The following GDAP1 variants were observed in gnomAD, a reference collection of about 807,000 sequenced individuals.
The protein encoded by GDAP1 is ganglioside induced differentiation associated protein 1, also known as ganglioside-induced differentiation-associated protein 1.
Under a neutral mutation model 40.1 loss-of-function variants are expected in GDAP1, and 34 were observed. That is an observed-to-expected ratio of 0.85 (90% CI 0.64 to 1.13). The LOEUF is 1.13. Among genes scored for constraint, GDAP1 ranks in the 50% most tolerant of loss-of-function variants. GDAP1 has a pLI of 0.00. For missense variants in GDAP1, 374 were observed against 433.7 expected, an observed-to-expected ratio of 0.86 and a Z score of 1.22; for synonymous variants, 170 against 157.4, an observed-to-expected ratio of 1.08 and a Z score of -0.60.
At chr8:74,352,356 C>T (rs1356523551) in intron 2 of GDAP1, among the ~76,000 whole-genome samples, 1 of 152,180 alleles carries the variant, frequency 6.6e-6, no homozygotes, top group Non-Finnish European at 1.5e-5. Flanking sequence ...GAATGCTCTT[C>T]TAAAAAGGCT....
chr8:74,425,770 C>G (rs373790893), intron 2 of GDAP1, among the ~76,000 whole-genome samples: 8 of 152,294 alleles, frequency 5.3e-5, no homozygotes, highest in African/African-American at 1.9e-4. Flanking sequence ...CTAACAATTC[C>G]TATCTCTAGG....
intron 2 of GDAP1, among the ~76,000 whole-genome samples, chr8:74,422,620 G>A (rs1378770736): frequency 1.3e-5 from 2 of 151,032 alleles, no homozygotes; most frequent in East Asian, 3.9e-4. Flanking sequence ...CCGTTTTGAT[G>A]AAGCACTTTC....
intron 2 of GDAP1, among the ~76,000 whole-genome samples, chr8:74,447,078 A>G (rs1212398883): frequency 6.6e-6 from 1 of 152,138 alleles, no homozygotes; most frequent in Non-Finnish European, 1.5e-5. Flanking sequence ...ACCTTCCTAA[A>G]TAAAAGATTA....
intron 2 of GDAP1, among the ~76,000 whole-genome samples, chr8:74,399,021 G>A (rs1226646162): frequency 6.6e-6 from 1 of 151,816 alleles, no homozygotes; most frequent in Non-Finnish European, 1.5e-5. Flanking sequence ...TTTTTTGGTT[G>A]TGTCTCTGCC....
intron 2 of GDAP1, among the ~76,000 whole-genome samples, chr8:74,474,691 T>G (rs968097405): frequency 3.9e-5 from 6 of 152,318 alleles, no homozygotes; most frequent in South Asian, 2.1e-4. Context: ...TGAATTCAGT[T>G]TGCTAGTATT....
chr8:74,459,645 T>C (rs1806377312), intron 2 of GDAP1, among the ~76,000 whole-genome samples: 1 of 152,196 alleles, frequency 6.6e-6, no homozygotes, highest in Admixed American at 6.5e-5. Context: ...TGAATATTTA[T>C]TGAGTGAGAA....
At chr8:74,401,170 C>T (rs1248856322) in intron 2 of GDAP1, among the ~76,000 whole-genome samples, 1 of 148,930 alleles carries the variant, frequency 6.7e-6, no homozygotes, top group Non-Finnish European at 1.5e-5. Context: ...TTCCATTCTC[C>T]CCGTCACTTT....
At chr8:74,407,476 T>C (rs1805655858) in intron 2 of GDAP1, among the ~76,000 whole-genome samples, 1 of 149,736 alleles carries the variant, frequency 6.7e-6, no homozygotes, top group African/African-American at 2.6e-5. Context: ...TTGCTGAGTC[T>C]TCTGGCCTCC....
intron 2 of GDAP1, among the ~76,000 whole-genome samples, chr8:74,407,961 T>G (rs1167312547): frequency 1.3e-5 from 2 of 150,058 alleles, no homozygotes; most frequent in African/African-American, 5.1e-5. Context: ...AACACCAAAT[T>G]GCAAGTCTAA....
intron 2 of GDAP1, among the ~76,000 whole-genome samples, chr8:74,469,648 T>G (rs532414772): frequency 4.5e-4 from 58 of 127,932 alleles, no homozygotes; most frequent in African/African-American, 1.0e-3. Flanking sequence ...CAGCCTGGGC[T>G]ACAGAGTGAG....
chr8:74,456,507 G>C (rs1806337820), intron 2 of GDAP1, among the ~76,000 whole-genome samples: 1 of 152,004 alleles, frequency 6.6e-6, no homozygotes, highest in African/African-American at 2.4e-5. Flanking sequence ...CCCCTTAATA[G>C]AAAAATTCGT....
chr8:74,406,787 G>A (rs1002658470), intron 2 of GDAP1, among the ~76,000 whole-genome samples: 3 of 149,696 alleles, frequency 2.0e-5, no homozygotes, highest in Non-Finnish European at 2.9e-5. Context: ...TGCGGCTTTT[G>A]ACAAATAATT....
intron 2 of GDAP1, among the ~76,000 whole-genome samples, chr8:74,437,050 A>C (rs572267911): frequency 9.2e-5 from 14 of 152,334 alleles, no homozygotes; most frequent in South Asian, 2.1e-4. Flanking sequence ...TAGGACACTT[A>C]ACACAATAAT....
intron 2 of GDAP1, among the ~76,000 whole-genome samples, chr8:74,357,388 A>T (rs1309065633): frequency 6.6e-6 from 1 of 152,196 alleles, no homozygotes; most frequent in Non-Finnish European, 1.5e-5. Flanking sequence ...AATGTAATTT[A>T]AAAAAATGGC....
intron 2 of GDAP1, among the ~76,000 whole-genome samples, chr8:74,432,340 A>AT (rs932211527): frequency 8.0e-4 from 120 of 150,784 alleles, no homozygotes; most frequent in Non-Finnish European, 1.2e-3. Flanking sequence ...TAGCAAGTAA[A>AT]TTTTTTTTTT....
intron 2 of GDAP1, among the ~76,000 whole-genome samples, chr8:74,428,469 G>T (rs4735773): frequency 0.058 from 8,107 of 140,568 alleles, 319 homozygotes; most frequent in East Asian, 0.17. Context: ...TGATTGTTTT[G>T]TTTTTTTTTT....
chr8:74,416,301 C>T (rs1805777571), intron 2 of GDAP1, among the ~76,000 whole-genome samples: 1 of 150,134 alleles, frequency 6.7e-6, no homozygotes. Context: ...TGGCTCTGCT[C>T]ATTGCCTGAG....
chr8:74,473,429 G>C (rs998945996), intron 2 of GDAP1, among the ~76,000 whole-genome samples: 4 of 152,134 alleles, frequency 2.6e-5, no homozygotes, highest in Non-Finnish European at 5.9e-5. Flanking sequence ...ACAGTTTTGG[G>C]ATTTGCATTT....
intron 2 of GDAP1, among the ~76,000 whole-genome samples, chr8:74,397,695 G>C (rs1810233248): frequency 6.6e-6 from 1 of 152,016 alleles, no homozygotes; most frequent in Non-Finnish European, 1.5e-5. Context: ...TGAGGGCTCT[G>C]TTCTGTTCCA....
Sources: allele counts gnomAD v4.1 joint callset (sites outside exome capture counted in the v4.1 genomes callset), GRCh38; gene constraint gnomAD v4.1.1; transcripts MANE v1.5; gene names NCBI Gene and HGNC (gene_info 2026-07-23, HGNC 2026-07-21).